TRHDE: variants seen among roughly 807,000 people sequenced by gnomAD.
TRHDE encodes the protein thyrotropin releasing hormone degrading enzyme.
TRHDE carries 72 observed loss-of-function variants against 125.7 expected under a neutral mutation model. The ratio of observed to expected loss-of-function variants is 0.57; its 90% confidence interval spans 0.47 to 0.70. The LOEUF is 0.70. Ranked by LOEUF, TRHDE falls within the 30% of genes least tolerant of loss-of-function variation. The probability of loss-of-function intolerance (pLI) is 0.00; values close to 1 mark genes in which losing one functional copy is unlikely to be tolerated. For synonymous variants in TRHDE, 509 were observed against 509.1 expected (o/e 1.00, Z 0.00); for missense variants, 1,110 against 1,327.1 (o/e 0.84, Z 2.54).
intron 5 of TRHDE, among the ~76,000 whole-genome samples, chr12:72,488,418 G>T (rs1198462908): frequency 2.0e-5 from 3 of 152,018 alleles, no homozygotes; most frequent in African/African-American, 7.2e-5. Context: ...GGCAAAGATG[G>T]TTATTACTTA....
intron 15 of TRHDE, among the ~76,000 whole-genome samples, chr12:72,635,905 G>A (rs1317145079): frequency 6.6e-6 from 1 of 152,090 alleles, no homozygotes; most frequent in African/African-American, 2.4e-5. Context: ...GGTTACTGTA[G>A]CCTTGTAGTA....
intron 3 of TRHDE, among the ~76,000 whole-genome samples, chr12:72,410,602 A>G (rs1224466542): frequency 6.6e-6 from 1 of 152,178 alleles, no homozygotes; most frequent in African/African-American, 2.4e-5. Context: ...GCATAATTTA[A>G]AAAAGGAGAG....
At chr12:72,207,754 C>A (rs1877698781) in intron 2 of TRHDE, among the ~76,000 whole-genome samples, 1 of 152,176 alleles carries the variant, frequency 6.6e-6, no homozygotes, top group Non-Finnish European at 1.5e-5. Flanking sequence ...TCTCTGCAAG[C>A]AATGAAGCCA....
At chr12:72,157,625 G>C (rs1339759944) in intron 2 of TRHDE, among the ~76,000 whole-genome samples, 7 of 152,184 alleles carry the variant, frequency 4.6e-5, no homozygotes, top group African/African-American at 1.7e-4. Flanking sequence ...TATATACCTG[G>C]TGAATGGTGG....
At chr12:72,548,495 C>T (rs1869528614) in intron 7 of TRHDE, among the ~76,000 whole-genome samples, 1 of 151,504 alleles carries the variant, frequency 6.6e-6, no homozygotes. Context: ...CTTCTTTAAC[C>T]TTGTTTTTAT....
chr12:72,474,017 C>T (rs904350440), intron 5 of TRHDE, among the ~76,000 whole-genome samples: 4 of 151,918 alleles, frequency 2.6e-5, no homozygotes, highest in African/African-American at 9.7e-5. Context: ...TATATATACA[C>T]ACGCACATAT....
At chr12:72,298,070 A>G (rs1313768070) in intron 2 of TRHDE, among the ~76,000 whole-genome samples, 2 of 152,194 alleles carry the variant, frequency 1.3e-5, no homozygotes, top group Non-Finnish European at 2.9e-5. Context: ...GGGTTTTGTT[A>G]TATAATCTAC....
intron 2 of TRHDE, among the ~76,000 whole-genome samples, chr12:72,114,166 G>GA (rs143492802): frequency 0.076 from 10,050 of 132,642 alleles, 605 homozygotes; most frequent in African/African-American, 0.16. Flanking sequence ...TTTGGGGAAT[G>GA]AAAAAAAAAA....
At chr12:72,157,803 T>C (rs960291617) in intron 2 of TRHDE, among the ~76,000 whole-genome samples, 3 of 152,066 alleles carry the variant, frequency 2.0e-5, no homozygotes, top group African/African-American at 7.2e-5. Flanking sequence ...GAGATGGAAA[T>C]TTGGAGATAC....
intron 2 of TRHDE, among the ~76,000 whole-genome samples, chr12:72,121,567 C>T (rs1055126289): frequency 6.6e-6 from 1 of 152,176 alleles, no homozygotes; most frequent in African/African-American, 2.4e-5. Context: ...GATGCTCACT[C>T]CATGCCATGC....
intron 18 of TRHDE, 119 bp downstream of exon 18, chr12:72,657,127 A>G: frequency 1.5e-6 from 1 of 648,832 alleles, no homozygotes; most frequent in Admixed American, 2.6e-5. Context: ...ACACACGCAC[A>G]CCACACACAC....
rs763296032 is a variant in TRHDE at position 72,273,335 on chromosome 12, G to T, written c.692G>T (p.Arg231Leu). The change falls in exon 1 of 19, where the codon CGA becomes CTA. Residue 231 changes from arginine to leucine, a missense_variant. By Grantham distance (102) the Arg-to-Leu change is moderately radical. This residue lies in a region of TRHDE where 72 missense variants were observed against 122.2 expected (regional missense o/e 0.59). Transcript: ENST00000261180. This position sits in a 1 kb window ranked among gnomAD's most constrained non-coding sequence, Gnocchi z 5.3. ...ATRYVVLHAS[R>L]VAVEKVQLAE... ...CGCTACGTAGTGCTGCACGCTTCCCGAGTGGCGGTGGAGAAAGTGCAGCTG... is the reference window on the plus strand; with the variant it reads ...CGCTACGTAGTGCTGCACGCTTCCCTAGTGGCGGTGGAGAAAGTGCAGCTG... 3.7e-6 allele frequency: 6 copies of T among 1,613,990 alleles called. No homozygotes were observed. The highest frequency in any genetic ancestry group is 5.1e-6 in the Non-Finnish European group (6 of 1,180,022).
chr12:72,568,908 C>T (rs577069119), intron 10 of TRHDE, among the ~76,000 whole-genome samples: 8 of 152,138 alleles, frequency 5.3e-5, no homozygotes, highest in Admixed American at 5.2e-4. Flanking sequence ...TAATACTAAT[C>T]TTAGGTGTTT....
At chr12:72,516,813 C>T (rs1188319046) in intron 6 of TRHDE, among the ~76,000 whole-genome samples, 5 of 152,090 alleles carry the variant, frequency 3.3e-5, no homozygotes, top group South Asian at 2.1e-4. Context: ...TTTTGAGATA[C>T]GTCCCATCAA....
intron 3 of TRHDE, among the ~76,000 whole-genome samples, chr12:72,445,550 A>T (rs1875235120): frequency 6.6e-6 from 1 of 151,876 alleles, no homozygotes; most frequent in South Asian, 2.1e-4. Context: ...GCTTTGCTGA[A>T]TTCATGTTAG....
chr12:72,174,685 G>T (rs1876950149), intron 2 of TRHDE, among the ~76,000 whole-genome samples: 1 of 152,122 alleles, frequency 6.6e-6, no homozygotes, highest in Admixed American at 6.6e-5. Context: ...TTTATGATTA[G>T]ATTTAAGTAA....
At chr12:72,442,970 C>T (rs575423429) in intron 3 of TRHDE, among the ~76,000 whole-genome samples, 5 of 151,826 alleles carry the variant, frequency 3.3e-5, no homozygotes. Flanking sequence ...ACCTTTCAAA[C>T]TTGAAAAAGG....
intron 3 of TRHDE, among the ~76,000 whole-genome samples, chr12:72,464,844 G>C (rs1876294252): frequency 6.6e-6 from 1 of 152,124 alleles, no homozygotes; most frequent in African/African-American, 2.4e-5. Flanking sequence ...AGTGCATTGA[G>C]GGTGAGTAGG....
At chr12:72,286,247 A>T (rs909473873) in intron 1 of TRHDE, among the ~76,000 whole-genome samples, 1 of 152,210 alleles carries the variant, frequency 6.6e-6, no homozygotes, top group Admixed American at 6.5e-5. Context: ...GAGATTTCCC[A>T]AGTGATGGTC....
Sources: gnomAD v4.1 joint callset for allele counts (sites outside exome capture counted in the v4.1 genomes callset) on GRCh38, gnomAD v4.1.1 for gene constraint, gnomAD v4.1.1 regional missense constraint, Gnocchi (gnomAD v3.1) non-coding constraint, MANE v1.5 for transcripts, NCBI Gene and HGNC (gene_info 2026-07-23, HGNC 2026-07-21) for gene names.